ZNF75D: variants seen among roughly 807,000 people sequenced by gnomAD.
The protein encoded by ZNF75D is zinc finger protein 75D, also known as zinc finger protein 75.
In ZNF75D, 33 loss-of-function variants were observed where a neutral mutation model predicts 33.3. The observed-to-expected ratio is 0.99, with a 90% CI of 0.75 to 1.32. ZNF75D has a LOEUF of 1.32. Among genes scored for constraint, ZNF75D ranks in the 40% most tolerant of loss-of-function variants. The pLI is 0.00. For missense variants in ZNF75D, 338 were observed against 367.5 expected (o/e 0.92, Z 0.66); for synonymous variants, 113 against 130.6 (o/e 0.87, Z 0.92).
chrX:135,334,956 C>T (rs1602665278), intron 1 of ZNF75D, among the ~76,000 whole-genome samples: 1 of 111,184 alleles, frequency 9.0e-6, no homozygotes, highest in East Asian at 2.8e-4. Context: ...TACCTCTTTA[C>T]CTTCCCTGTA....
At chrX:135,325,739 C>G (rs1556437101) in intron 1 of ZNF75D, among the ~76,000 whole-genome samples, 1 of 112,709 alleles carries the variant, frequency 8.9e-6, no homozygotes, top group African/African-American at 3.2e-5. Flanking sequence ...GCCTCCCACC[C>G]CCTCCATGGG....
At chrX:135,303,633 A>G (rs782326947) in intron 1 of ZNF75D, among the ~76,000 whole-genome samples, 1 of 112,293 alleles carries the variant, frequency 8.9e-6, no homozygotes, top group African/African-American at 3.2e-5. Context: ...TACAGAACAA[A>G]ATGGAGTCTC....
chrX:135,257,104 G>A (rs1257091937), intron 1 of ZNF75D, among the ~76,000 whole-genome samples: 4 of 112,342 alleles, frequency 3.6e-5, no homozygotes, highest in Non-Finnish European at 5.6e-5. Context: ...CGTCCTCCCA[G>A]CTATGGTGAA....
chrX:135,304,698 TC>T (rs1405097291), intron 1 of ZNF75D, among the ~76,000 whole-genome samples: 1 of 112,658 alleles, frequency 8.9e-6, no homozygotes, highest in Non-Finnish European at 1.9e-5. Flanking sequence ...ACAACCAGTT[TC>T]CAATTAAAAT....
chrX:135,309,851 A>G (rs1334392032), intron 1 of ZNF75D, among the ~76,000 whole-genome samples: 1 of 111,895 alleles, frequency 8.9e-6, no homozygotes, highest in Non-Finnish European at 1.9e-5. Context: ...TACTTGGGTT[A>G]CACTGGAAGG....
rs184890324 is a variant in ZNF75D at position 135,329,733 on chromosome X, C to T, written c.-391+12035G>A. Among the ~76,000 whole-genome samples the T allele has an allele frequency of 1.9e-4, 21 of 112,248 alleles. No homozygotes were observed. The East Asian group carries it at 5.5e-3, about 30-fold the overall frequency. On this transcript the variant is annotated intron_variant, in intron 1 of 6. Transcript: ENST00000370766. ...AACACATAAAAGAAGATATTGTATG[C>T]TCCTCTAAGAATAAATTATGAAATA... is the stretch of plus-strand genomic sequence containing the variant.
chrX:135,297,582 A>G (rs1210274537), intron 1 of ZNF75D: 3 of 116,946 alleles, frequency 2.6e-5, no homozygotes, highest in Non-Finnish European at 5.5e-5. Flanking sequence ...TGATTCACCC[A>G]ATAAATCAAG....
chrX:135,341,231 G>A (rs782639194), intron 1 of ZNF75D, among the ~76,000 whole-genome samples: 3 of 111,663 alleles, frequency 2.7e-5, no homozygotes, highest in Non-Finnish European at 3.8e-5. Context: ...AATAAAGAAG[G>A]ACTCCACTCC....
At chrX:135,323,989 GCACACACA>G (rs34146473) in intron 1 of ZNF75D, among the ~76,000 whole-genome samples, 35 of 97,605 alleles carry the variant, frequency 3.6e-4, no homozygotes, top group African/African-American at 1.2e-3. Flanking sequence ...ACTTGTTGCA[GCACACACA>G]CACACACACA....
At chrX:135,258,327 G>C (rs2083819020) in intron 1 of ZNF75D, among the ~76,000 whole-genome samples, 2 of 110,165 alleles carry the variant, frequency 1.8e-5, no homozygotes. Flanking sequence ...GTGATTACTG[G>C]GTCAAATGGT....
At chrX:135,321,331 T>G (rs1556434156) in intron 1 of ZNF75D, among the ~76,000 whole-genome samples, 1 of 112,397 alleles carries the variant, frequency 8.9e-6, no homozygotes, top group Non-Finnish European at 1.9e-5. Flanking sequence ...AGGGGACACA[T>G]TCAAATTATA....
intron 1 of ZNF75D, chrX:135,309,670 G>A (rs1173995551): frequency 1.7e-5 from 5 of 295,524 alleles, no homozygotes; most frequent in African/African-American, 1.1e-4. Context: ...AGCAACTCCA[G>A]GGTGAACATG....
chrX:135,302,934 G>A (rs1412647178), intron 1 of ZNF75D, among the ~76,000 whole-genome samples: 1 of 110,616 alleles, frequency 9.0e-6, no homozygotes, highest in African/African-American at 3.3e-5. Flanking sequence ...GGTGTTTCTC[G>A]GGGAGGAGGA....
intron 1 of ZNF75D, among the ~76,000 whole-genome samples, chrX:135,278,760 T>C (rs1284545202): frequency 2.7e-5 from 3 of 112,467 alleles, no homozygotes; most frequent in South Asian, 7.3e-4. Flanking sequence ...GTGGTTTTTG[T>C]CATTTGTACT....
At chrX:135,312,660 CTTT>C (rs1215909520) in intron 1 of ZNF75D, among the ~76,000 whole-genome samples, 1 of 98,755 alleles carries the variant, frequency 1.0e-5, no homozygotes. Context: ...GCATCTGTGA[CTTT>C]TTTTTTTTTT....
downstream of ZNF75D, among the ~76,000 whole-genome samples, chrX:135,283,346 C>T (rs2083927847): frequency 9.0e-6 from 1 of 111,687 alleles, no homozygotes; most frequent in African/African-American, 3.3e-5. Context: ...GCAAAGAAAA[C>T]AAGAATGAGA....
At chrX:135,290,808 T>C (rs2084027343) in intron 6 of ZNF75D, among the ~76,000 whole-genome samples, 1 of 112,370 alleles carries the variant, frequency 8.9e-6, no homozygotes, top group Admixed American at 9.4e-5. Flanking sequence ...AATAATTCCA[T>C]TTAGAATGCA....
intron 1 of ZNF75D, among the ~76,000 whole-genome samples, chrX:135,258,431 T>C (rs1353622469): frequency 9.0e-6 from 1 of 111,214 alleles, no homozygotes; most frequent in East Asian, 2.8e-4. Flanking sequence ...AGTGTTCCTA[T>C]TTCTCCACAT....
chrX:135,289,673 G>C (rs1556420747), intron 6 of ZNF75D, among the ~76,000 whole-genome samples: 1 of 92,429 alleles, frequency 1.1e-5, no homozygotes, highest in Admixed American at 1.2e-4. Context: ...CACACACACA[G>C]AAATTCACCT....
Sources: allele counts gnomAD v4.1 joint callset (sites outside exome capture counted in the v4.1 genomes callset), GRCh38; gene constraint gnomAD v4.1.1; transcripts MANE v1.5; gene names NCBI Gene and HGNC (gene_info 2026-07-23, HGNC 2026-07-21).